GTF2F2: variants seen among roughly 807,000 people sequenced by gnomAD.
GTF2F2 encodes the protein general transcription factor IIF subunit 2.
Under a neutral mutation model 42.2 loss-of-function variants are expected in GTF2F2, and 23 were observed. That is an observed-to-expected ratio of 0.55 (90% CI 0.39 to 0.77). The LOEUF (loss-of-function observed/expected upper bound fraction) is 0.77, where lower values mean the gene tolerates loss of function less well. Among genes scored for constraint, GTF2F2 ranks in the 30% least tolerant of loss-of-function variants. The pLI, the probability that GTF2F2 is intolerant of heterozygous loss-of-function variation, is 0.00. For synonymous variants in GTF2F2, 105 were observed against 100.8 expected, an observed-to-expected ratio of 1.04 and a Z score of -0.25; for missense variants, 261 against 287.2, an observed-to-expected ratio of 0.91 and a Z score of 0.66.
intron 2 of GTF2F2, among the ~76,000 whole-genome samples, chr13:45,145,432 C>CT (rs546079636): frequency 8.7e-4 from 133 of 152,272 alleles, no homozygotes; most frequent in African/African-American, 3.0e-3. Context: ...TATTTAGAAA[C>CT]TAAGATCTGG....
At chr13:45,132,031 T>C (rs1377957753) in intron 1 of GTF2F2, among the ~76,000 whole-genome samples, 1 of 152,134 alleles carries the variant, frequency 6.6e-6, no homozygotes, top group Admixed American at 6.5e-5. Context: ...CCCTGTGCCT[T>C]AGTTTCCTCA....
intron 1 of GTF2F2, among the ~76,000 whole-genome samples, chr13:45,128,466 G>T (rs541345542): frequency 6.6e-5 from 10 of 150,804 alleles, no homozygotes; most frequent in African/African-American, 2.4e-4. Flanking sequence ...CCAACTACTC[G>T]GGAGGCTGAG....
At chr13:45,274,138 C>G (rs1253948805) in intron 7 of GTF2F2, among the ~76,000 whole-genome samples, 1 of 152,000 alleles carries the variant, frequency 6.6e-6, no homozygotes, top group Non-Finnish European at 1.5e-5. Flanking sequence ...CTTTCTTTTT[C>G]AAATGTCCCA....
intron 7 of GTF2F2, among the ~76,000 whole-genome samples, chr13:45,279,399 G>A (rs1330825536): frequency 3.3e-5 from 5 of 152,146 alleles, no homozygotes; most frequent in Admixed American, 1.3e-4. Flanking sequence ...AATTCACGTA[G>A]TACAGTTTAG....
At chr13:45,234,381 A>G (rs1022569582) in intron 5 of GTF2F2, among the ~76,000 whole-genome samples, 1 of 152,208 alleles carries the variant, frequency 6.6e-6, no homozygotes, top group African/African-American at 2.4e-5. Flanking sequence ...TAGATTTGTA[A>G]ATCATCAACT....
rs773254844 is a variant in GTF2F2, at chr13:45,273,655, A to ATTTTTTTT, written c.630+6289_630+6296dup. 3.1e-3 allele frequency among the ~76,000 whole-genome samples: 385 copies of ATTTTTTTT among 123,842 alleles called. 16 individuals are homozygous for ATTTTTTTT. Among genetic ancestry groups the ATTTTTTTT allele is most frequent in the African/African-American group, 0.013 (363 of 28,366 alleles). 81.2% of individuals were successfully genotyped at this position (123,842 alleles called of 152,430 possible). The stretch of plus-strand genomic sequence containing the variant: ...CCACTTGATTTTAAAGAGTGGTAAA[A>ATTTTTTTT]TTTTTTTTTTTTTTTTTGAGACGGA... On this transcript the variant is annotated intron_variant, in intron 7 of 7. Transcript: ENST00000340473.
At chr13:45,153,976 C>CAAAAAAAA (rs71070960) in intron 4 of GTF2F2, among the ~76,000 whole-genome samples, 2 of 71,486 alleles carry the variant, frequency 2.8e-5, no homozygotes, top group Non-Finnish European at 5.5e-5. Context: ...GACTCAGTCT[C>CAAAAAAAA]AAAAAAAAAA....
At chr13:45,244,541 C>A (rs1223121002) in intron 5 of GTF2F2, among the ~76,000 whole-genome samples, 1 of 152,078 alleles carries the variant, frequency 6.6e-6, no homozygotes, top group South Asian at 2.1e-4. Context: ...CTTAAACTTA[C>A]TCTTTAGATA....
intron 1 of GTF2F2, among the ~76,000 whole-genome samples, chr13:45,125,634 C>T (rs1868957324): frequency 6.6e-6 from 1 of 152,064 alleles, no homozygotes; most frequent in Non-Finnish European, 1.5e-5. Context: ...CTTTGTGTCT[C>T]TTTAATGGGT....
At chr13:45,183,041 C>T (rs1010999219) in intron 4 of GTF2F2, among the ~76,000 whole-genome samples, 4 of 152,016 alleles carry the variant, frequency 2.6e-5, no homozygotes, top group Non-Finnish European at 5.9e-5. Flanking sequence ...TTATTTTGCC[C>T]ATTTTCAAGG....
At chr13:45,194,467 A>G in intron 4 of GTF2F2, 1 of 1,614,090 alleles carries the variant, frequency 6.2e-7, no homozygotes, top group Non-Finnish European at 8.5e-7. Flanking sequence ...GAGGGTCATC[A>G]GTGTGGATTT....
rs760603073 is a variant in GTF2F2, at chr13:45,168,611, CTTTA to C, written c.304+16792_304+16795del. On this transcript the variant is annotated intron_variant, in intron 4 of 7. Transcript: ENST00000340473. ...TTTTCTGACAAATAAACTACCTGAA[CTTTA>C]TTTATTTATTTTTTTGAGACAGGTT... Among the ~76,000 whole-genome samples, 105 of 151,978 alleles carry C rather than the reference CTTTA, an allele frequency of 6.9e-4. 1 individual carries two copies. Among genetic ancestry groups the C allele is most frequent in the Admixed American group, 7.2e-4 (11 of 15,250 alleles).
intron 6 of GTF2F2, among the ~76,000 whole-genome samples, chr13:45,264,353 C>G (rs1876478529): frequency 6.6e-6 from 1 of 151,630 alleles, no homozygotes; most frequent in Admixed American, 6.6e-5. Flanking sequence ...ACGATCTTGG[C>G]TCACTGCAAC....
At chr13:45,248,320 T>C (rs1400320686) in intron 5 of GTF2F2, among the ~76,000 whole-genome samples, 1 of 152,182 alleles carries the variant, frequency 6.6e-6, no homozygotes. Flanking sequence ...ACTTTCTCTA[T>C]GTCTATGGGG....
intron 5 of GTF2F2, among the ~76,000 whole-genome samples, chr13:45,251,975 T>C: frequency 6.6e-6 from 1 of 152,230 alleles, no homozygotes; most frequent in Admixed American, 6.5e-5. Context: ...ACTGTGCTGA[T>C]ATACCAAGTG....
intron 6 of GTF2F2, among the ~76,000 whole-genome samples, chr13:45,262,581 C>G (rs1189817362): frequency 6.6e-6 from 1 of 151,806 alleles, no homozygotes; most frequent in East Asian, 1.9e-4. Context: ...GTGAGTGCCA[C>G]CACACCCAGC....
At chr13:45,191,224 A>AAAATATATAT in intron 4 of GTF2F2, among the ~76,000 whole-genome samples, 166 of 75,296 alleles carry the variant, frequency 2.2e-3, no homozygotes, top group Admixed American at 3.8e-3. Flanking sequence ...ACAAAAAAAA[A>AAAATATATAT]ATATATATAT....
At chr13:45,273,965 G>A (rs1428645927) in intron 7 of GTF2F2, among the ~76,000 whole-genome samples, 1 of 152,280 alleles carries the variant, frequency 6.6e-6, no homozygotes, top group East Asian at 1.9e-4. Context: ...TGGGCTCTGC[G>A]TTTAAGAAAA....
rs1300764493 is a variant in GTF2F2 at position 45,195,282 on chromosome 13, C to A, written c.305-12142C>A. On this transcript the variant is annotated intron_variant, in intron 4 of 7. Coordinates refer to ENST00000340473, the MANE Select transcript of GTF2F2 (RefSeq NM_004128.3). ...TTTATTTTTTATTATTTTATTTACC[C>A]TAAAAGTAAAAAAAAAATCAAATAG... 2.0e-5 allele frequency among the ~76,000 whole-genome samples: 3 copies of A among 150,806 alleles called. No homozygotes were observed. In the South Asian group the frequency reaches 6.3e-4, roughly 31 times the overall value.
Sources: allele counts gnomAD v4.1 joint callset (sites outside exome capture counted in the v4.1 genomes callset), GRCh38; gene constraint gnomAD v4.1.1; transcripts MANE v1.5; gene names NCBI Gene and HGNC (gene_info 2026-07-23, HGNC 2026-07-21).